ARFGEF3: variants seen among roughly 807,000 people sequenced by gnomAD.
The protein encoded by ARFGEF3 is ARFGEF family member 3, also known as brefeldin A-inhibited guanine nucleotide-exchange protein 3.
A neutral mutation model predicts 221.7 loss-of-function variants in ARFGEF3; 96 were observed. The ratio of observed to expected loss-of-function variants is 0.43; its 90% confidence interval spans 0.37 to 0.51. The LOEUF is 0.51. ARFGEF3 is among the 20% of genes least tolerant of loss of function. The pLI is 0.00. For missense variants in ARFGEF3, 2,410 were observed against 2,789.9 expected, an observed-to-expected ratio of 0.86 and a Z score of 3.07; for synonymous variants, 1,145 against 1,126.8, an observed-to-expected ratio of 1.02 and a Z score of -0.32.
chr6:138,291,969 G>A lies in ARFGEF3; in HGVS notation c.3284G>A (p.Arg1095Gln), dbSNP rs1286560818. 3.3e-6 allele frequency: 5 copies of A among 1,534,010 alleles called. No individual in the cohort carries two copies. The highest frequency in any genetic ancestry group is 5.1e-5 in the East Asian group (2 of 39,160). The change falls in exon 19 of 34, where the codon CGG (arginine) becomes CAG (glutamine). Residue 1095 changes from arginine to glutamine, a missense_variant. By Grantham distance (43) the Arg-to-Gln change is conservative. Around this residue, in one of 5 missense-constraint regions of ARFGEF3, gnomAD observed 184 missense variants for 141.8 expected, o/e 1.30. Transcript: ENST00000251691. This position sits in a 1 kb window ranked among gnomAD's most constrained non-coding sequence, Gnocchi z 4.5. ...CTCGTCCGGGAAGGCAGCCGGGGTC[G>A]GGCCTCCGACTTCCGCGGCGGGAGC... Reference protein sequence around the residue: ...QDLVREGSRGRASDFRGGSLM... With the variant: ...QDLVREGSRGQASDFRGGSLM...
intron 29 of ARFGEF3, among the ~76,000 whole-genome samples, chr6:138,323,136 A>G (rs909420050): frequency 6.6e-6 from 1 of 152,144 alleles, no homozygotes; most frequent in Non-Finnish European, 1.5e-5. Flanking sequence ...TCTACGTTTA[A>G]TGATTGGCCT....
intron 21 of ARFGEF3, among the ~76,000 whole-genome samples, chr6:138,298,330 A>C (rs1372140042): frequency 6.6e-6 from 1 of 152,242 alleles, no homozygotes; most frequent in Non-Finnish European, 1.5e-5. Context: ...TGTACCATTC[A>C]AGAAAACTGT....
chr6:138,327,913 C>T (rs9399237), intron 31 of ARFGEF3, 108 bp from the exon 32 acceptor site: 1 of 805,452 alleles, frequency 1.2e-6, no homozygotes, highest in Non-Finnish European at 2.0e-6. Context: ...AACCATTATC[C>T]TCATTTTATA....
chr6:138,171,564 A>G (rs114148812), intron 2 of ARFGEF3, among the ~76,000 whole-genome samples: 6,268 of 152,100 alleles, frequency 0.041, 148 homozygotes, highest in Middle Eastern at 0.092. Flanking sequence ...ACTTCCCCCA[A>G]CCCTCACTGG....
chr6:138,203,390 T>G (rs1218443551), intron 2 of ARFGEF3, among the ~76,000 whole-genome samples: 1 of 152,206 alleles, frequency 6.6e-6, no homozygotes, highest in African/African-American at 2.4e-5. Flanking sequence ...AAGAAGGTTG[T>G]AGTGAAAGTT....
chr6:138,176,745 G>C (rs1048005359), intron 2 of ARFGEF3, among the ~76,000 whole-genome samples: 1 of 151,760 alleles, frequency 6.6e-6, no homozygotes, highest in South Asian at 2.1e-4. Context: ...GTGAATATCA[G>C]CCTTTTATTT....
chr6:138,321,975 G>A (rs1348733987), intron 29 of ARFGEF3, among the ~76,000 whole-genome samples: 1 of 152,188 alleles, frequency 6.6e-6, no homozygotes, highest in Non-Finnish European at 1.5e-5. Flanking sequence ...ATGGATGGTG[G>A]CAGGCAAAGA....
Position 138,255,526 on chromosome 6 carries a change from C to T in ARFGEF3, c.861C>T (p.Thr287=). The change falls in exon 10 of 34, where the codon ACC becomes ACT. Residue 287 remains threonine, a synonymous_variant. Coordinates refer to ENST00000251691, the MANE Select transcript of ARFGEF3 (RefSeq NM_020340.5). ...ITSAHTSSTS[T]SLESDSASPG... ...CTGCTCACACCAGCAGCACCAGTAC[C>T]AGCCTGGAGTCGGACTCTGCGTCTC... 1 of 1,614,040 alleles carries T rather than the reference C, an allele frequency of 6.2e-7. No individual in the cohort carries two copies. The highest frequency in any genetic ancestry group is 8.5e-7 in the Non-Finnish European group (1 of 1,179,886).
chr6:138,302,090 G>C (rs12173761), intron 22 of ARFGEF3, among the ~76,000 whole-genome samples: 22,110 of 152,040 alleles, frequency 0.15, 2,007 homozygotes, highest in East Asian at 0.45. Context: ...CAAAGAAACA[G>C]GAAACAGTGA....
At chr6:138,254,031 C>A in intron 9 of ARFGEF3, 47 bp downstream of exon 9, 1 of 1,263,514 alleles carries the variant, frequency 7.9e-7, no homozygotes, top group Non-Finnish European at 1.1e-6. Flanking sequence ...AACCCAAGGG[C>A]TGCTGCTGAC....
At chr6:138,178,833 G>A (rs1232061951) in intron 2 of ARFGEF3, among the ~76,000 whole-genome samples, 1 of 152,180 alleles carries the variant, frequency 6.6e-6, no homozygotes, top group African/African-American at 2.4e-5. Context: ...TACTGACTGA[G>A]AAGGTCGGTC....
At chr6:138,180,470 C>G (rs1284031707) in intron 2 of ARFGEF3, among the ~76,000 whole-genome samples, 1 of 152,156 alleles carries the variant, frequency 6.6e-6, no homozygotes. Context: ...TCTCGAGTCT[C>G]CTTTTCTTGC....
At chr6:138,318,700 T>C (rs2114676099) in intron 27 of ARFGEF3, among the ~76,000 whole-genome samples, 1 of 152,350 alleles carries the variant, frequency 6.6e-6, no homozygotes, top group Non-Finnish European at 1.5e-5. Context: ...TATTCTCATG[T>C]AATTTCCATG....
intron 8 of ARFGEF3, among the ~76,000 whole-genome samples, chr6:138,247,972 A>G (rs946860955): frequency 3.3e-5 from 5 of 152,222 alleles, no homozygotes; most frequent in Admixed American, 3.3e-4. Context: ...AAGGGTTGTT[A>G]TAGGATTTTA....
At chr6:138,294,192 C>T in intron 20 of ARFGEF3, 66 bp downstream of exon 20, 10 of 1,518,900 alleles carry the variant, frequency 6.6e-6, no homozygotes, top group Non-Finnish European at 9.0e-6. Flanking sequence ...GCCTCTATCA[C>T]CAGCAGCGTG....
intron 4 of ARFGEF3, among the ~76,000 whole-genome samples, chr6:138,215,397 C>CT (rs960919504): frequency 1.3e-5 from 2 of 152,036 alleles, no homozygotes; most frequent in African/African-American, 2.4e-5. Flanking sequence ...TACTGGGTGT[C>CT]TTTTTTATGT....
chr6:138,273,395 A>C (rs1161371782), intron 12 of ARFGEF3, among the ~76,000 whole-genome samples: 2 of 152,244 alleles, frequency 1.3e-5, no homozygotes, highest in East Asian at 3.8e-4. Context: ...CTGTTTCCAC[A>C]GTAAAGCACA....
chr6:138,188,957 A>G (rs1234990394), intron 2 of ARFGEF3, among the ~76,000 whole-genome samples: 3 of 152,200 alleles, frequency 2.0e-5, no homozygotes, highest in Admixed American at 6.5e-5. Flanking sequence ...AAATACCACA[A>G]ACATATTACT....
chr6:138,170,187 TA>T (rs925774222), intron 1 of ARFGEF3, among the ~76,000 whole-genome samples: 4 of 152,232 alleles, frequency 2.6e-5, no homozygotes, highest in South Asian at 2.1e-4. Context: ...TGTAATTTTT[TA>T]AAAAAAGTTT....
Sources: gnomAD v4.1 joint callset for allele counts (sites outside exome capture counted in the v4.1 genomes callset) on GRCh38, gnomAD v4.1.1 for gene constraint, gnomAD v4.1.1 regional missense constraint, Gnocchi (gnomAD v3.1) non-coding constraint, MANE v1.5 for transcripts, NCBI Gene and HGNC (gene_info 2026-07-23, HGNC 2026-07-21) for gene names.